Variants in FGF14 observed in about 807,000 individuals in gnomAD.
The protein encoded by FGF14 is fibroblast growth factor homologous factor 4.
Under a neutral mutation model 25.5 loss-of-function variants are expected in FGF14, and 5 were observed. The observed-to-expected ratio is 0.20, with a 90% CI of 0.10 to 0.41. The LOEUF is 0.41. FGF14 is among the 10% of genes least tolerant of loss of function. FGF14 has a pLI of 1.00. For synonymous variants in FGF14, 138 were observed against 118.3 expected (o/e 1.17, Z -1.08); for missense variants, 222 against 320.1 (o/e 0.69, Z 2.34).
At chr13:102,347,856 C>A (rs2057158019) in intron 1 of FGF14, among the ~76,000 whole-genome samples, 1 of 152,066 alleles carries the variant, frequency 6.6e-6, no homozygotes, top group Admixed American at 6.5e-5. Flanking sequence ...TAGCAACATG[C>A]AGCAAAGGGA....
At chr13:102,370,883 T>G (rs1473836530) in intron 1 of FGF14, among the ~76,000 whole-genome samples, 1 of 151,722 alleles carries the variant, frequency 6.6e-6, no homozygotes, top group Non-Finnish European at 1.5e-5. Flanking sequence ...ACACACATAG[T>G]TCACATACAT....
chr13:101,802,294 A>T (rs1284380839), intron 3 of FGF14: 2 of 215,266 alleles, frequency 9.3e-6, no homozygotes, highest in African/African-American at 4.6e-5. Flanking sequence ...AAGGCAGAGA[A>T]GCTGAAAGAG....
intron 1 of FGF14, among the ~76,000 whole-genome samples, chr13:102,188,846 C>G (rs1467606682): frequency 6.6e-6 from 1 of 151,548 alleles, no homozygotes; most frequent in East Asian, 1.9e-4. Flanking sequence ...GAGGCTGAGG[C>G]AGGACAATCG....
chr13:102,389,530 G>A (rs1048919035), intron 1 of FGF14, among the ~76,000 whole-genome samples: 1 of 152,198 alleles, frequency 6.6e-6, no homozygotes, highest in African/African-American at 2.4e-5. Flanking sequence ...TTTTGTACCA[G>A]ACTGTCCTTG....
chr13:102,332,846 G>C (rs984379462), intron 1 of FGF14, among the ~76,000 whole-genome samples: 1 of 152,134 alleles, frequency 6.6e-6, no homozygotes, highest in Non-Finnish European at 1.5e-5. Flanking sequence ...TTAAGCATCA[G>C]TGAAAAGACA....
At chr13:102,086,105 T>C (rs746758453) in intron 1 of FGF14, among the ~76,000 whole-genome samples, 29 of 152,242 alleles carry the variant, frequency 1.9e-4, no homozygotes, top group Admixed American at 3.9e-4. Flanking sequence ...TAGCAAGTTA[T>C]GCTAAATGAC....
intron 3 of FGF14, among the ~76,000 whole-genome samples, chr13:101,789,128 T>G (rs926313999): frequency 6.6e-5 from 10 of 151,880 alleles, no homozygotes; most frequent in African/African-American, 2.4e-4. Flanking sequence ...CTTCTATTTC[T>G]CTTTCACTGT....
intron 1 of FGF14, among the ~76,000 whole-genome samples, chr13:102,338,640 A>G (rs2056857778): frequency 6.6e-6 from 1 of 152,206 alleles, no homozygotes; most frequent in South Asian, 2.1e-4. Context: ...AAATTCAAAT[A>G]ATCTATCATT....
At chr13:102,352,575 G>A (rs1329915084) in intron 1 of FGF14, among the ~76,000 whole-genome samples, 1 of 152,160 alleles carries the variant, frequency 6.6e-6, no homozygotes, top group Non-Finnish European at 1.5e-5. Flanking sequence ...CACGTTGGGA[G>A]GCCGAGGCGG....
chr13:101,715,548 T>G lies in FGF14; in HGVS notation c.*7283A>C. On this transcript the variant is annotated 3_prime_UTR_variant, in exon 5 of 5. Coordinates refer to ENST00000376143, the MANE Select transcript of FGF14 (RefSeq NM_004115.4). ...TTTGATCATAATCATGATACCTATA[T>G]GTATTTTATTGCAGGGAATGGAATA... is the stretch of plus-strand genomic sequence containing the variant. 1 of 1,562,512 alleles carries G rather than the reference T, an allele frequency of 6.4e-7. No individual in the cohort carries two copies. Among genetic ancestry groups the G allele is most frequent in the Non-Finnish European group, 8.8e-7 (1 of 1,132,906 alleles).
At chr13:101,955,607 G>A (rs1363475467) in intron 1 of FGF14, among the ~76,000 whole-genome samples, 2 of 152,346 alleles carry the variant, frequency 1.3e-5, no homozygotes, top group South Asian at 2.1e-4. Context: ...TGCGTGACAC[G>A]CCACCTTCAC....
chr13:102,208,122 G>T (rs1165580883), intron 1 of FGF14, among the ~76,000 whole-genome samples: 1 of 152,130 alleles, frequency 6.6e-6, no homozygotes, highest in Non-Finnish European at 1.5e-5. Context: ...TTCAACTAAG[G>T]CAACACATAG....
At chr13:102,140,539 G>A (rs528547764) in intron 1 of FGF14, among the ~76,000 whole-genome samples, 2 of 152,294 alleles carry the variant, frequency 1.3e-5, no homozygotes, top group African/African-American at 4.8e-5. Flanking sequence ...CTGCTATGAA[G>A]GAAGTCCAGT....
At chr13:102,133,711 G>A (rs1022123561) in intron 1 of FGF14, among the ~76,000 whole-genome samples, 2 of 152,152 alleles carry the variant, frequency 1.3e-5, no homozygotes, top group African/African-American at 2.4e-5. Context: ...TTAGTTACTA[G>A]CTTCATTTGT....
intron 1 of FGF14, among the ~76,000 whole-genome samples, chr13:102,269,448 A>C (rs2053144398): frequency 6.6e-6 from 1 of 152,242 alleles, no homozygotes; most frequent in Non-Finnish European, 1.5e-5. Flanking sequence ...ATTAAGAAAA[A>C]TTATATGACA....
intron 2 of FGF14, among the ~76,000 whole-genome samples, chr13:101,870,939 G>A (rs554840706): frequency 9.9e-5 from 15 of 151,844 alleles, no homozygotes; most frequent in Non-Finnish European, 1.8e-4. Flanking sequence ...GGCAATGAGC[G>A]AAACTCCATC....
rs1330913338 is a variant in FGF14 at position 101,712,017 on chromosome 13, CCT to C, written c.*10812_*10813del. On this transcript the variant is annotated 3_prime_UTR_variant, in exon 5 of 5. Transcript: ENST00000376143. The stretch of plus-strand genomic sequence containing the variant: ...TACATCTGTCTGATGGAACCCTCTC[CCT>C]GTGTGCTTCCCATTTAAGAGAGGCA... The C allele has an allele frequency of 6.6e-6, 1 of 152,232 alleles. No individual in the cohort carries two copies. Among genetic ancestry groups the C allele is most frequent in the African/African-American group, 2.4e-5 (1 of 41,452 alleles). The allele number at this position is 152,232 out of a possible 1,614,324, so 9.4% of individuals were successfully genotyped here. A position where few individuals can be genotyped will look rare whatever the true frequency, so the allele number is the denominator to read the frequency against.
At chr13:102,399,879 G>GCTA (rs892758960) in intron 1 of FGF14, among the ~76,000 whole-genome samples, 1 of 152,092 alleles carries the variant, frequency 6.6e-6, no homozygotes, top group Non-Finnish European at 1.5e-5. Flanking sequence ...GCAGCCAGAG[G>GCTA]CTACTACCAG....
At chr13:102,325,872 T>C (rs2056409172) in intron 1 of FGF14, among the ~76,000 whole-genome samples, 1 of 152,208 alleles carries the variant, frequency 6.6e-6, no homozygotes, top group South Asian at 2.1e-4. Context: ...CTCTGGTGAA[T>C]ATAAACTGTG....
Sources: allele counts gnomAD v4.1 joint callset (sites outside exome capture counted in the v4.1 genomes callset), GRCh38; gene constraint gnomAD v4.1.1; transcripts MANE v1.5; gene names NCBI Gene and HGNC (gene_info 2026-07-23, HGNC 2026-07-21).